MZT2A: variants seen among roughly 807,000 people sequenced by gnomAD.
The protein encoded by MZT2A is mitotic-spindle organizing protein 2A.
MZT2A carries 8 observed loss-of-function variants against 12.4 expected under a neutral mutation model. The ratio of observed to expected loss-of-function variants is 0.64; its 90% CI spans 0.38 to 1.16. The LOEUF is 1.16. Ranked by LOEUF, MZT2A falls within the 50% of genes most tolerant of loss-of-function variation. The pLI is 0.01. For missense variants in MZT2A, 181 were observed against 223.6 expected (o/e 0.81, Z 1.22); for synonymous variants, 88 against 107.5 (o/e 0.82, Z 1.12).
intron 2 of MZT2A, chr2:131,486,563 T>C (rs1679059416): frequency 6.6e-6 from 1 of 152,056 alleles, no homozygotes; most frequent in African/African-American, 2.4e-5. Context: ...CAGTCCCTTC[T>C]GGAAACAAGG....
intron 2 of MZT2A, among the ~76,000 whole-genome samples, chr2:131,478,943 C>T (rs1678760091): frequency 6.6e-6 from 1 of 152,184 alleles, no homozygotes; most frequent in South Asian, 2.1e-4. Context: ...CTGCAGAAGT[C>T]ACACTGACCT....
At chr2:131,475,987 G>A (rs1678649176) in intron 2 of MZT2A, 6 of 849,030 alleles carry the variant, frequency 7.1e-6, no homozygotes, top group Non-Finnish European at 1.1e-5. Context: ...CAATCAGAGA[G>A]CGTCCCCAGT....
At chr2:131,481,516 A>G (rs747323127), downstream of MZT2A, among the ~76,000 whole-genome samples, 11 of 147,386 alleles carry the variant, frequency 7.5e-5, no homozygotes, top group South Asian at 6.5e-4. Flanking sequence ...ACTCACTGCA[A>G]CCTCCACCTC....
intron 2 of MZT2A, chr2:131,489,985 G>A: frequency 1.0e-6 from 1 of 976,570 alleles, no homozygotes; most frequent in African/African-American, 1.7e-5. Flanking sequence ...TCTCCCTCCT[G>A]CTGGACACTT....
upstream of MZT2A, among the ~76,000 whole-genome samples, chr2:131,493,685 C>T (rs1573882469): frequency 6.6e-6 from 1 of 151,448 alleles, no homozygotes; most frequent in Admixed American, 6.6e-5. Flanking sequence ...CAAAACGAAA[C>T]AAAAAAAACA....
intron 2 of MZT2A, among the ~76,000 whole-genome samples, chr2:131,477,524 A>T (rs1031004242): frequency 6.6e-6 from 1 of 151,116 alleles, no homozygotes; most frequent in African/African-American, 2.5e-5. Flanking sequence ...ACAGCAGTTG[A>T]GCAGGAAGGG....
At chr2:131,483,940 A>AC (rs1678945175), downstream of MZT2A, 4 of 1,441,176 alleles carry the variant, frequency 2.8e-6, no homozygotes, top group African/African-American at 4.4e-5. Context: ...AAAAAAAAAA[A>AC]AAAAACAGTA....
chr2:131,478,122 G>A (rs764765776), intron 2 of MZT2A: 4 of 1,591,726 alleles, frequency 2.5e-6, no homozygotes, highest in Admixed American at 1.7e-5. Context: ...GTTTCAAGTT[G>A]CCTTGAAATG....
downstream of MZT2A, among the ~76,000 whole-genome samples, chr2:131,483,134 T>C (rs1465945311): frequency 6.6e-6 from 1 of 152,148 alleles, no homozygotes; most frequent in African/African-American, 2.4e-5. Context: ...GTTCAATGTA[T>C]AGATTTCCTA....
chr2:131,478,043 C>T (rs1573857628), intron 2 of MZT2A: 6 of 1,359,506 alleles, frequency 4.4e-6, no homozygotes, highest in South Asian at 3.0e-5. Flanking sequence ...TAGGAAATAT[C>T]GATTGTGAAA....
chr2:131,493,634 A>G (rs1679437464), upstream of MZT2A, among the ~76,000 whole-genome samples: 1 of 151,960 alleles, frequency 6.6e-6, no homozygotes, highest in Admixed American at 6.6e-5. Flanking sequence ...GCTTGGAATG[A>G]TTAGCGTTGC....
chr2:131,479,567 C>T (rs190810037), downstream of MZT2A: 75 of 1,550,026 alleles, frequency 4.8e-5, no homozygotes, highest in East Asian at 1.4e-3. Context: ...TGGCCGGGCG[C>T]GGTGGCTCAC....
rs963974843 is a variant in MZT2A, at chr2:131,484,221, A to G, written c.320-3T>C. The G allele has an allele frequency of 2.5e-6, 4 of 1,613,036 alleles. No homozygotes were observed. Among genetic ancestry groups the G allele is most frequent in the Non-Finnish European group, 2.5e-6 (3 of 1,179,338 alleles). ...GGCAGCGCTGCCTTTGTCTCTCCCT[A>G]AGGAGACACAAAGCACAATGATTAG... On this transcript the variant is annotated splice_region_variant and splice_polypyrimidine_tract_variant and intron_variant, in intron 2 of 2. Coordinates refer to ENST00000309451, the MANE Select transcript of MZT2A (RefSeq NM_001085365.2).
intron 2 of MZT2A, among the ~76,000 whole-genome samples, chr2:131,475,054 A>G (rs1422617419): frequency 6.6e-6 from 1 of 151,868 alleles, no homozygotes; most frequent in Non-Finnish European, 1.5e-5. Context: ...TCTGCCTCCC[A>G]GGTTCAAGGG....
upstream of MZT2A, chr2:131,493,283 G>C: frequency 7.5e-7 from 1 of 1,330,290 alleles, no homozygotes; most frequent in Non-Finnish European, 9.6e-7. Flanking sequence ...AGGCTGGGGA[G>C]TGGAGGGCCC....
In MZT2A at chr2:131,483,999, A is replaced by C; in HGVS notation, c.*62T>G. 1.3e-6 allele frequency: 2 copies of C among 1,545,436 alleles called. No homozygotes were observed. The highest frequency in any genetic ancestry group is 1.7e-6 in the Non-Finnish European group (2 of 1,143,304). On this transcript the variant is annotated 3_prime_UTR_variant, in exon 3 of 3. Transcript: ENST00000309451. ...TGCATCTCAGAAAGGTTTATTATCA[A>C]CTGAAGGAGGTAACATGTAGCCTTT...
downstream of MZT2A, chr2:131,479,303 T>G: frequency 6.2e-7 from 1 of 1,613,682 alleles, no homozygotes. Flanking sequence ...CTGTCTCTTT[T>G]GCAGATGAAG....
intron 2 of MZT2A, among the ~76,000 whole-genome samples, chr2:131,489,076 C>G (rs1335093793): frequency 6.6e-6 from 1 of 152,230 alleles, no homozygotes; most frequent in African/African-American, 2.4e-5. Context: ...CTCCCACTGC[C>G]CCAGCTCACA....
At chr2:131,481,458 CAG>C (rs1678864257), downstream of MZT2A, among the ~76,000 whole-genome samples, 2 of 129,706 alleles carry the variant, frequency 1.5e-5, no homozygotes, top group African/African-American at 3.4e-5. Context: ...TTTTTTGAGA[CAG>C]AGTCTTGCTC....
Sources: allele counts gnomAD v4.1 joint callset (sites outside exome capture counted in the v4.1 genomes callset), GRCh38; gene constraint gnomAD v4.1.1; transcripts MANE v1.5; gene names NCBI Gene and HGNC (gene_info 2026-07-23, HGNC 2026-07-21).